ASIC2: variants seen among roughly 807,000 people sequenced by gnomAD.
The protein encoded by ASIC2 is acid-sensing ion channel 2.
ASIC2 carries 25 observed loss-of-function variants against 57.3 expected under a neutral mutation model. That is an observed-to-expected ratio of 0.44 (90% CI 0.32 to 0.61). ASIC2 has a LOEUF of 0.61. Ranked by LOEUF, ASIC2 falls within the 20% of genes least tolerant of loss-of-function variation. The pLI is 0.06. For synonymous variants in ASIC2, 319 were observed against 307.5 expected (o/e 1.04, Z -0.39); for missense variants, 641 against 738.1 (o/e 0.87, Z 1.52).
intron 7 of ASIC2, 140 bp downstream of exon 7, chr17:33,021,079 G>A: frequency 1.6e-6 from 1 of 620,104 alleles, no homozygotes; most frequent in Non-Finnish European, 2.8e-6. Flanking sequence ...AAGGAAACAG[G>A]GAGTAATTAT....
At chr17:33,801,467 T>A (rs1457288830) in intron 1 of ASIC2, among the ~76,000 whole-genome samples, 1 of 152,082 alleles carries the variant, frequency 6.6e-6, no homozygotes, top group Non-Finnish European at 1.5e-5. Context: ...TTTATGACAT[T>A]TATGGTTTGG....
At chr17:33,083,874 G>T (rs1431289181) in intron 3 of ASIC2, among the ~76,000 whole-genome samples, 2 of 152,036 alleles carry the variant, frequency 1.3e-5, no homozygotes, top group Non-Finnish European at 2.9e-5. Context: ...TGTTATGTTG[G>T]GTAGTGCTGT....
At chr17:33,804,934 C>G (rs945978239) in intron 1 of ASIC2, among the ~76,000 whole-genome samples, 5 of 151,744 alleles carry the variant, frequency 3.3e-5, no homozygotes, top group African/African-American at 1.2e-4. Context: ...TGATTAGGCT[C>G]TGTATCCTGG....
intron 1 of ASIC2, among the ~76,000 whole-genome samples, chr17:33,257,837 G>A (rs1464159684): frequency 6.6e-6 from 1 of 152,230 alleles, no homozygotes; most frequent in Admixed American, 6.5e-5. Context: ...GCTTAGAACT[G>A]TGGCTTTAGT....
chr17:33,906,434 A>G (rs1036405015), intron 1 of ASIC2, among the ~76,000 whole-genome samples: 1 of 152,204 alleles, frequency 6.6e-6, no homozygotes, highest in Non-Finnish European at 1.5e-5. Flanking sequence ...AATGCTGAGT[A>G]AGTATTCCAC....
chr17:33,240,336 G>T (rs909010441), intron 1 of ASIC2, among the ~76,000 whole-genome samples: 1 of 151,924 alleles, frequency 6.6e-6, no homozygotes, highest in East Asian at 1.9e-4. Context: ...TTTTTTTTTG[G>T]ATCTCAGCTC....
At chr17:33,237,533 A>G (rs1908342207) in intron 1 of ASIC2, among the ~76,000 whole-genome samples, 1 of 152,026 alleles carries the variant, frequency 6.6e-6, no homozygotes, top group African/African-American at 2.4e-5. Context: ...TGTTTTTAGT[A>G]GAGATGGGGT....
chr17:33,187,133 C>T (rs1449218877), intron 1 of ASIC2, among the ~76,000 whole-genome samples: 1 of 152,162 alleles, frequency 6.6e-6, no homozygotes, highest in African/African-American at 2.4e-5. Flanking sequence ...GAGAAGTATG[C>T]TCAGCAAGTC....
chr17:33,519,557 G>C (rs887946068), intron 1 of ASIC2, among the ~76,000 whole-genome samples: 6 of 152,172 alleles, frequency 3.9e-5, no homozygotes, highest in Non-Finnish European at 7.3e-5. Flanking sequence ...TCTCTGGGTA[G>C]AGTCCAGGAG....
At chr17:33,306,370 A>G (rs1355447827) in intron 1 of ASIC2, among the ~76,000 whole-genome samples, 2 of 152,106 alleles carry the variant, frequency 1.3e-5, no homozygotes, top group South Asian at 2.1e-4. Context: ...TTTCCATTTC[A>G]CATACCCACA....
chr17:33,427,157 C>G (rs1021789063), intron 1 of ASIC2, among the ~76,000 whole-genome samples: 5 of 152,100 alleles, frequency 3.3e-5, no homozygotes, highest in African/African-American at 1.2e-4. Context: ...GGGACTTACC[C>G]CCGTGATTGT....
intron 1 of ASIC2, among the ~76,000 whole-genome samples, chr17:33,977,927 A>C (rs1367824347): frequency 6.6e-6 from 1 of 152,226 alleles, no homozygotes; most frequent in African/African-American, 2.4e-5. Context: ...CCTGCCTGGC[A>C]CATGGGTTCA....
At chr17:34,005,555 A>G (rs1906497939) in intron 1 of ASIC2, 1 of 152,028 alleles carries the variant, frequency 6.6e-6, no homozygotes, top group African/African-American at 2.4e-5. Context: ...TATACACATC[A>G]CATAAAGACA....
intron 1 of ASIC2, among the ~76,000 whole-genome samples, chr17:33,888,159 C>T (rs962294846): frequency 2.0e-5 from 3 of 152,166 alleles, no homozygotes; most frequent in African/African-American, 7.2e-5. Context: ...CCTATCTATA[C>T]ATACATGTAA....
At chr17:34,133,174 A>G (rs2142130457) in intron 1 of ASIC2, among the ~76,000 whole-genome samples, 1 of 152,372 alleles carries the variant, frequency 6.6e-6, no homozygotes, top group Non-Finnish European at 1.5e-5. Context: ...GATATGATAT[A>G]AATACATATG....
intron 1 of ASIC2, among the ~76,000 whole-genome samples, chr17:33,239,277 T>A (rs994624177): frequency 6.6e-6 from 1 of 151,304 alleles, no homozygotes; most frequent in Admixed American, 6.6e-5. Context: ...GGCAACAGAG[T>A]GAGACTCCGT....
At chr17:33,655,770 A>T (rs963147548) in intron 1 of ASIC2, among the ~76,000 whole-genome samples, 1 of 152,230 alleles carries the variant, frequency 6.6e-6, no homozygotes, top group Non-Finnish European at 1.5e-5. Context: ...ATGATGAACC[A>T]TGATGCAATA....
intron 1 of ASIC2, among the ~76,000 whole-genome samples, chr17:33,810,925 C>A (rs1912402391): frequency 6.6e-6 from 1 of 151,578 alleles, no homozygotes; most frequent in South Asian, 2.1e-4. Context: ...TCCAGTATAA[C>A]AACTAATGAT....
chr17:33,052,069 C>T (rs949865077), intron 3 of ASIC2: 1 of 152,258 alleles, frequency 6.6e-6, no homozygotes, highest in South Asian at 2.1e-4. Context: ...TGCTAGAAAC[C>T]AAATGGGACT....
Sources: allele counts gnomAD v4.1 joint callset (sites outside exome capture counted in the v4.1 genomes callset), GRCh38; gene constraint gnomAD v4.1.1; transcripts MANE v1.5; gene names NCBI Gene and HGNC (gene_info 2026-07-23, HGNC 2026-07-21).